The following RPS6KC1 variants were observed in gnomAD, a reference collection of about 807,000 sequenced individuals.
The protein encoded by RPS6KC1 is inactive ribosomal protein S6 kinase delta-1.
Under a neutral mutation model 103.8 loss-of-function variants are expected in RPS6KC1, and 54 were observed. The ratio of observed to expected loss-of-function variants is 0.52; its 90% CI spans 0.42 to 0.65. The LOEUF (loss-of-function observed/expected upper bound fraction) is 0.65, where lower values mean the gene tolerates loss of function less well. Ranked by LOEUF, RPS6KC1 falls within the 30% of genes least tolerant of loss-of-function variation. RPS6KC1 has a pLI of 0.00. For missense variants in RPS6KC1, 1,151 were observed against 1,253.8 expected (o/e 0.92, Z 1.24); for synonymous variants, 439 against 438.7 (o/e 1.00, Z -0.01).
At chr1:213,271,721 G>A (rs1363367540) in intron 14 of RPS6KC1, among the ~76,000 whole-genome samples, 3 of 132,488 alleles carry the variant, frequency 2.3e-5, no homozygotes, top group African/African-American at 8.7e-5. Flanking sequence ...TCGAGATCGC[G>A]CCACTGCACT....
chr1:213,351,570 G>A, the RPS6KC1 span, among the ~76,000 whole-genome samples: 2 of 152,134 alleles, frequency 1.3e-5, no homozygotes, highest in African/African-American at 4.8e-5. Context: ...TTATGAAGTA[G>A]TATCATCAAG....
chr1:213,233,596 C>G (rs1235655949), intron 10 of RPS6KC1, among the ~76,000 whole-genome samples: 2 of 152,070 alleles, frequency 1.3e-5, no homozygotes, highest in Non-Finnish European at 2.9e-5. Flanking sequence ...GCAATATCTT[C>G]CTCTTCTTCC....
the RPS6KC1 span, among the ~76,000 whole-genome samples, chr1:213,284,132 A>C: frequency 6.6e-6 from 1 of 152,222 alleles, no homozygotes; most frequent in African/African-American, 2.4e-5. Flanking sequence ...ACCAAGAAAA[A>C]TTAGAAAGCT....
rs765663162 is a variant in RPS6KC1, at chr1:213,051,537, A to G, written c.105+28A>G. On this transcript the variant is annotated intron_variant, in intron 1 of 14. Coordinates refer to ENST00000366960, the MANE Select transcript of RPS6KC1 (RefSeq NM_012424.6). ...GAGTGCCGGTGTCGGGCTGGGGTAGAGCTTGGATTGGGACCTGAGGATCTG... is the reference window on the plus strand; with the variant it reads ...GAGTGCCGGTGTCGGGCTGGGGTAGGGCTTGGATTGGGACCTGAGGATCTG... The G allele has an allele frequency of 2.0e-6, 3 of 1,528,766 alleles. No homozygotes were observed. In the East Asian group the frequency reaches 7.0e-5, roughly 36 times the overall value. 94.7% of individuals were successfully genotyped at this position (1,528,766 alleles called of 1,614,324 possible).
At chr1:213,403,216 A>T in the RPS6KC1 span, among the ~76,000 whole-genome samples, 1 of 152,056 alleles carries the variant, frequency 6.6e-6, no homozygotes, top group East Asian at 1.9e-4. Context: ...CTCTCCATCC[A>T]CTTGCCACGC....
the RPS6KC1 span, among the ~76,000 whole-genome samples, chr1:213,713,232 C>A: frequency 5.3e-3 from 802 of 152,122 alleles, 5 homozygotes; most frequent in Non-Finnish European, 8.7e-3. Flanking sequence ...CAATATTTGG[C>A]CATTTTTGAT....
At chr1:213,483,790 G>A in the RPS6KC1 span, among the ~76,000 whole-genome samples, 1 of 152,216 alleles carries the variant, frequency 6.6e-6, no homozygotes, top group Non-Finnish European at 1.5e-5. Flanking sequence ...GGAGTTATTG[G>A]CTTCAAACAA....
the RPS6KC1 span, among the ~76,000 whole-genome samples, chr1:213,654,098 T>G: frequency 6.6e-6 from 1 of 152,250 alleles, no homozygotes. Context: ...ATCTCTCAGC[T>G]GAAGGCTGTC....
the RPS6KC1 span, among the ~76,000 whole-genome samples, chr1:213,804,873 G>A: frequency 6.6e-6 from 1 of 152,260 alleles, no homozygotes; most frequent in Middle Eastern, 3.4e-3. Context: ...TTATTTGAGG[G>A]TTTATTTTAC....
At chr1:213,155,601 C>T (rs2148003429) in intron 6 of RPS6KC1, among the ~76,000 whole-genome samples, 1 of 152,280 alleles carries the variant, frequency 6.6e-6, no homozygotes, top group East Asian at 1.9e-4. Flanking sequence ...CTCATAGACA[C>T]TCTCTGCACC....
At chr1:213,736,066 G>T in the RPS6KC1 span, among the ~76,000 whole-genome samples, 6 of 152,206 alleles carry the variant, frequency 3.9e-5, no homozygotes, top group Admixed American at 6.5e-5. Flanking sequence ...TCCCAGTAAG[G>T]CAGGGACAGT....
intron 1 of RPS6KC1, among the ~76,000 whole-genome samples, chr1:213,058,418 A>G (rs1195032634): frequency 2.7e-5 from 4 of 150,060 alleles, no homozygotes; most frequent in Non-Finnish European, 4.4e-5. Context: ...ATTTTGCTCT[A>G]TGATCCATTT....
At chr1:213,802,625 C>A in the RPS6KC1 span, among the ~76,000 whole-genome samples, 1 of 151,976 alleles carries the variant, frequency 6.6e-6, no homozygotes, top group South Asian at 2.1e-4. Flanking sequence ...ATCTTTATAG[C>A]AATAACTTAG....
chr1:213,609,729 G>T, the RPS6KC1 span, among the ~76,000 whole-genome samples: 1 of 148,864 alleles, frequency 6.7e-6, no homozygotes, highest in Admixed American at 6.7e-5. Flanking sequence ...CCAGAATGAA[G>T]CCATCTATAG....
At chr1:213,051,995 CTG>C (rs1385835958) in intron 1 of RPS6KC1, among the ~76,000 whole-genome samples, 1 of 152,150 alleles carries the variant, frequency 6.6e-6, no homozygotes, top group Non-Finnish European at 1.5e-5. Context: ...AACCTAGGAA[CTG>C]TGGATCCGGG....
the RPS6KC1 span, among the ~76,000 whole-genome samples, chr1:213,300,471 ACCCT>A: frequency 6.6e-6 from 1 of 152,168 alleles, no homozygotes; most frequent in East Asian, 1.9e-4. Flanking sequence ...AACCTGCCAC[ACCCT>A]CTGAGTTTCC....
chr1:213,822,159 G>T, the RPS6KC1 span: 2 of 152,152 alleles, frequency 1.3e-5, no homozygotes, highest in Non-Finnish European at 2.9e-5. Context: ...GATTGCTCAG[G>T]AGCCTTTGAC....
the RPS6KC1 span, among the ~76,000 whole-genome samples, chr1:213,711,010 C>T: frequency 6.6e-5 from 10 of 152,198 alleles, no homozygotes; most frequent in Non-Finnish European, 1.0e-4. Flanking sequence ...TTGCTCTTCT[C>T]GAGGAGTATC....
chr1:213,162,626 T>C (rs534780064), intron 6 of RPS6KC1, among the ~76,000 whole-genome samples: 13 of 152,346 alleles, frequency 8.5e-5, no homozygotes, highest in Middle Eastern at 3.4e-3. Context: ...TTGGATTCTC[T>C]CTTTAAAATT....
Sources: gnomAD v4.1 joint callset for allele counts (sites outside exome capture counted in the v4.1 genomes callset) on GRCh38, gnomAD v4.1.1 for gene constraint, MANE v1.5 for transcripts, NCBI Gene and HGNC (gene_info 2026-07-23, HGNC 2026-07-21) for gene names.